Variants in CNTNAP2 observed in about 807,000 individuals in gnomAD.
CNTNAP2 encodes the protein contactin associated protein 2.
A neutral mutation model predicts 155.2 loss-of-function variants in CNTNAP2; 98 were observed. That is an observed-to-expected ratio of 0.63 (90% confidence interval 0.54 to 0.75). The LOEUF (loss-of-function observed/expected upper bound fraction) is 0.75. CNTNAP2 is among the 30% of genes least tolerant of loss of function. CNTNAP2 has a pLI of 0.00. For synonymous variants in CNTNAP2, 651 were observed against 631.2 expected (o/e 1.03, Z -0.47); for missense variants, 1,727 against 1,688.1 (o/e 1.02, Z -0.40).
chr7:146,674,038 C>T lies in CNTNAP2; in HGVS notation c.98-100233C>T, dbSNP rs1314703550. 2.6e-5 allele frequency among the ~76,000 whole-genome samples: 4 copies of T among 152,144 alleles called. No homozygotes were observed. In the South Asian group the frequency reaches 6.2e-4, roughly 24 times the overall value. ...TGGCAGAGGTGCTAAATTTCATTCC[C>T]TGATATTTAGCATGATGTCACCAAA... On this transcript the variant is annotated intron_variant, in intron 1 of 23. Coordinates refer to ENST00000361727, the MANE Select transcript of CNTNAP2 (RefSeq NM_014141.6).
chr7:147,314,048 G>A (rs1234651571), intron 9 of CNTNAP2, among the ~76,000 whole-genome samples: 1 of 152,130 alleles, frequency 6.6e-6, no homozygotes, highest in Non-Finnish European at 1.5e-5. Context: ...GTTCACTCAT[G>A]ATTTGACTCT....
At chr7:146,783,275 A>G (rs749679306) in intron 2 of CNTNAP2, among the ~76,000 whole-genome samples, 5 of 152,128 alleles carry the variant, frequency 3.3e-5, no homozygotes, top group Non-Finnish European at 7.4e-5. Context: ...AAAAAGTATC[A>G]CCTTTGTTTT....
intron 12 of CNTNAP2, among the ~76,000 whole-genome samples, chr7:147,636,352 C>T (rs1795180451): frequency 6.6e-6 from 1 of 152,134 alleles, no homozygotes; most frequent in Non-Finnish European, 1.5e-5. Flanking sequence ...TAGTCCTGAC[C>T]AAGCCAGAAC....
At chr7:147,848,080 GC>G (rs1329298998) in intron 13 of CNTNAP2, among the ~76,000 whole-genome samples, 1 of 126,238 alleles carries the variant, frequency 7.9e-6, no homozygotes, top group African/African-American at 2.9e-5. Context: ...CAGAGGTGGA[GC>G]CTACAGAGGC....
intron 8 of CNTNAP2, among the ~76,000 whole-genome samples, chr7:147,289,560 A>C (rs1343623677): frequency 4.6e-5 from 7 of 152,230 alleles, no homozygotes; most frequent in Non-Finnish European, 8.8e-5. Flanking sequence ...CTCCTTGTAT[A>C]AACATATTCC....
At chr7:147,235,494 G>A (rs888332243) in intron 8 of CNTNAP2, among the ~76,000 whole-genome samples, 1 of 151,968 alleles carries the variant, frequency 6.6e-6, no homozygotes, top group Non-Finnish European at 1.5e-5. Flanking sequence ...CTTTTCCCTT[G>A]GCAATTAGTA....
chr7:146,404,443 T>C (rs1402620854), intron 1 of CNTNAP2, among the ~76,000 whole-genome samples: 2 of 152,142 alleles, frequency 1.3e-5, no homozygotes, highest in Non-Finnish European at 2.9e-5. Flanking sequence ...TCCTTAATGC[T>C]TTCTCCCCAG....
intron 1 of CNTNAP2, among the ~76,000 whole-genome samples, chr7:146,554,712 A>G (rs1798171198): frequency 6.6e-6 from 1 of 152,188 alleles, no homozygotes; most frequent in African/African-American, 2.4e-5. Context: ...AGCTCTTGCT[A>G]TTATTCACTG....
intron 13 of CNTNAP2, among the ~76,000 whole-genome samples, chr7:147,885,756 T>G (rs1799591140): frequency 6.6e-6 from 1 of 152,174 alleles, no homozygotes; most frequent in South Asian, 2.1e-4. Context: ...CACTGGAACA[T>G]TTACCTTTCT....
At chr7:147,841,594 T>A (rs1311346139) in intron 13 of CNTNAP2, among the ~76,000 whole-genome samples, 41 of 152,306 alleles carry the variant, frequency 2.7e-4, no homozygotes, top group Admixed American at 2.7e-3. Flanking sequence ...TTATTCACAT[T>A]TCTAGCTCAT....
chr7:147,428,630 T>C (rs551552932), intron 10 of CNTNAP2, among the ~76,000 whole-genome samples: 2 of 152,308 alleles, frequency 1.3e-5, no homozygotes, highest in South Asian at 2.1e-4. Context: ...AGAGTGTATT[T>C]ATAAGTTGGA....
chr7:146,128,124 A>G (rs7797553), intron 1 of CNTNAP2, among the ~76,000 whole-genome samples: 46,150 of 151,998 alleles, frequency 0.3, 8,178 homozygotes, highest in African/African-American at 0.49. Context: ...CTAAAAACAC[A>G]TTACTCTCTT....
At chr7:147,276,745 A>G (rs547729917) in intron 8 of CNTNAP2, among the ~76,000 whole-genome samples, 1 of 152,044 alleles carries the variant, frequency 6.6e-6, no homozygotes, top group East Asian at 1.9e-4. Flanking sequence ...ATTAATGACT[A>G]TGTTAGGTTT....
intron 1 of CNTNAP2, among the ~76,000 whole-genome samples, chr7:146,439,155 C>A (rs1796284656): frequency 6.6e-6 from 1 of 151,466 alleles, no homozygotes; most frequent in Admixed American, 6.6e-5. Context: ...GAGCACATTT[C>A]TCCCCAGAGA....
chr7:146,989,527 C>CACAA (rs370407455), intron 3 of CNTNAP2, among the ~76,000 whole-genome samples: 1,507 of 127,992 alleles, frequency 0.012, 30 homozygotes, highest in African/African-American at 0.046. Context: ...ACTCCTTTAA[C>CACAA]ACAAACAAAC....
intron 1 of CNTNAP2, among the ~76,000 whole-genome samples, chr7:146,364,499 G>T (rs1188791941): frequency 6.6e-6 from 1 of 152,010 alleles, no homozygotes; most frequent in Non-Finnish European, 1.5e-5. Context: ...AAATATATGA[G>T]TATTAATTAT....
intron 1 of CNTNAP2, among the ~76,000 whole-genome samples, chr7:146,653,099 T>C (rs964676551): frequency 2.0e-5 from 3 of 152,146 alleles, no homozygotes; most frequent in Admixed American, 2.0e-4. Context: ...AAAAAAATGA[T>C]GAAAATTGAG....
chr7:148,312,307 C>T (rs1331159145), intron 21 of CNTNAP2, among the ~76,000 whole-genome samples: 1 of 152,136 alleles, frequency 6.6e-6, no homozygotes, highest in Non-Finnish European at 1.5e-5. Context: ...ATTAGCCAGA[C>T]ACGATCAGCA....
At chr7:146,488,311 C>CCCTTCCTCCCTCCCTT (rs1554440138) in intron 1 of CNTNAP2, among the ~76,000 whole-genome samples, 7 of 132,384 alleles carry the variant, frequency 5.3e-5, no homozygotes, top group African/African-American at 2.1e-4. Flanking sequence ...CTTCCTCCCT[C>CCCTTCCTCCCTCCCTT]CCTTCCTTCC....
Sources: allele counts gnomAD v4.1 joint callset (sites outside exome capture counted in the v4.1 genomes callset), GRCh38; gene constraint gnomAD v4.1.1; transcripts MANE v1.5; gene names NCBI Gene and HGNC (gene_info 2026-07-23, HGNC 2026-07-21).